The following KIF6 variants were observed in gnomAD, a reference collection of about 807,000 sequenced individuals.
KIF6 encodes kinesin-like protein KIF6.
KIF6 carries 106 observed loss-of-function variants against 112.7 expected under a neutral mutation model. That is an observed-to-expected ratio of 0.94 (90% CI 0.80 to 1.11). The LOEUF is 1.11. KIF6 is among the 50% of genes least tolerant of loss of function. The pLI, the probability that KIF6 is intolerant of heterozygous loss-of-function variation, is 0.00. For missense variants in KIF6, 929 were observed against 964.0 expected, an observed-to-expected ratio of 0.96 and a Z score of 0.48; for synonymous variants, 339 against 339.9, an observed-to-expected ratio of 1.00 and a Z score of 0.03.
chr6:39,337,176 T>TTTCC (rs1763023623), intron 22 of KIF6, among the ~76,000 whole-genome samples: 1 of 61,602 alleles, frequency 1.6e-5, no homozygotes, highest in Non-Finnish European at 2.8e-5. Context: ...TCCTTCCTTC[T>TTTCC]TTCTTTCTTT....
intron 3 of KIF6, among the ~76,000 whole-genome samples, chr6:39,658,725 AAG>A (rs1336149662): frequency 6.6e-6 from 1 of 152,224 alleles, no homozygotes; most frequent in African/African-American, 2.4e-5. Flanking sequence ...AGCTGAGGCC[AAG>A]CACATATATT....
intron 13 of KIF6, among the ~76,000 whole-genome samples, chr6:39,525,804 AATAG>A (rs1030935477): frequency 3.5e-5 from 5 of 143,230 alleles, no homozygotes; most frequent in African/African-American, 5.2e-5. Flanking sequence ...TAACTAACTA[AATAG>A]ATAAATAAAT....
intron 13 of KIF6, among the ~76,000 whole-genome samples, chr6:39,454,683 C>T (rs1772934808): frequency 6.6e-6 from 1 of 152,196 alleles, no homozygotes; most frequent in African/African-American, 2.4e-5. Context: ...CGAGCCGAAG[C>T]AGGGCGAGGC....
At chr6:39,583,508 C>T (rs1262402013) in intron 9 of KIF6, 1 of 471,270 alleles carries the variant, frequency 2.1e-6, no homozygotes, top group Admixed American at 2.3e-5. Flanking sequence ...AACAGACAGC[C>T]CCATTATTCC....
chr6:39,430,515 G>C (rs11969754), intron 14 of KIF6, among the ~76,000 whole-genome samples: 5 of 152,146 alleles, frequency 3.3e-5, no homozygotes, highest in Non-Finnish European at 5.9e-5. Flanking sequence ...ATACCTCTAA[G>C]TAAGCTTCTT....
chr6:39,720,063 C>T (rs929312513), intron 2 of KIF6, among the ~76,000 whole-genome samples: 2 of 151,972 alleles, frequency 1.3e-5, no homozygotes, highest in African/African-American at 4.8e-5. Context: ...TACTTTTAAC[C>T]AAAGTTAGAA....
chr6:39,489,920 A>G (rs767263367), intron 13 of KIF6, among the ~76,000 whole-genome samples: 4 of 152,294 alleles, frequency 2.6e-5, no homozygotes, highest in Admixed American at 1.3e-4. Context: ...GGCATATTTG[A>G]CCTGTGACAT....
intron 19 of KIF6, chr6:39,353,908 G>C (rs1764444385): frequency 5.2e-6 from 3 of 572,288 alleles, no homozygotes; most frequent in South Asian, 1.6e-5. Flanking sequence ...GTGGAGCTAA[G>C]TGTGATGCCC....
At chr6:39,502,184 C>A (rs1211190013) in intron 13 of KIF6, among the ~76,000 whole-genome samples, 1 of 152,130 alleles carries the variant, frequency 6.6e-6, no homozygotes, top group Non-Finnish European at 1.5e-5. Context: ...GGCCAATACT[C>A]AACATTCTTA....
intron 13 of KIF6, among the ~76,000 whole-genome samples, chr6:39,531,795 C>T (rs1454719736): frequency 6.6e-6 from 1 of 152,080 alleles, no homozygotes; most frequent in Non-Finnish European, 1.5e-5. Flanking sequence ...GATGCCCCTG[C>T]CTCTCTCTCA....
chr6:39,597,280 T>G (rs944334797), intron 6 of KIF6, among the ~76,000 whole-genome samples: 1 of 152,222 alleles, frequency 6.6e-6, no homozygotes, highest in Non-Finnish European at 1.5e-5. Flanking sequence ...TGTTTGCACT[T>G]CCTTACTAAA....
chr6:39,408,271 G>A lies in KIF6; in HGVS notation c.1810+11677C>T, dbSNP rs573138155. 3.9e-5 allele frequency among the ~76,000 whole-genome samples: 6 copies of A among 152,252 alleles called. No homozygotes were observed. The East Asian group carries it at 1.2e-3, about 29-fold the overall frequency. On this transcript the variant is annotated intron_variant, in intron 15 of 22. Transcript: ENST00000287152. The stretch of plus-strand genomic sequence containing the variant: ...AAATGAGTACTGTCACACACTGGAA[G>A]GAATATAAACTAATGAAGCTCTTTG...
intron 13 of KIF6, among the ~76,000 whole-genome samples, chr6:39,521,496 C>T (rs965798913): frequency 5.3e-5 from 8 of 152,046 alleles, no homozygotes; most frequent in African/African-American, 1.9e-4. Context: ...CAAGTCAGTG[C>T]CCCCATCCCT....
chr6:39,613,441 C>A, intron 5 of KIF6, 123 bp from the exon 6 acceptor site: 1 of 539,042 alleles, frequency 1.9e-6, no homozygotes. Flanking sequence ...GCAAATAACA[C>A]ACAAGATACC....
chr6:39,405,600 T>C (rs1352997228), intron 15 of KIF6, among the ~76,000 whole-genome samples: 1 of 152,222 alleles, frequency 6.6e-6, no homozygotes, highest in African/African-American at 2.4e-5. Context: ...TATATTGTTG[T>C]ATTCAATATG....
At chr6:39,487,968 A>G (rs2150469891) in intron 13 of KIF6, among the ~76,000 whole-genome samples, 1 of 109,524 alleles carries the variant, frequency 9.1e-6, no homozygotes, top group Admixed American at 9.2e-5. Flanking sequence ...GGCACCTCAA[A>G]CTATATACTT....
rs144478757 is a variant in KIF6, at chr6:39,696,449, G to A, written c.251+18243C>T. Among the ~76,000 whole-genome samples the A allele has an allele frequency of 4.6e-5, 7 of 152,216 alleles. No individual in the cohort carries two copies. The East Asian group carries it at 5.8e-4, about 13-fold the overall frequency. On this transcript the variant is annotated intron_variant, in intron 3 of 22. Coordinates refer to ENST00000287152, the MANE Select transcript of KIF6 (RefSeq NM_145027.6). ...GCTGATGTGATAAAGATGGTGCAACGGCAAGGGAGAAGGAGCTTGAGTCCC... is the reference window on the plus strand; with the variant it reads ...GCTGATGTGATAAAGATGGTGCAACAGCAAGGGAGAAGGAGCTTGAGTCCC...
rs1225890862 is a variant in KIF6, at chr6:39,604,660, C to G, written c.640-8400G>C. Among the ~76,000 whole-genome samples the G allele has an allele frequency of 1.7e-4, 26 of 152,094 alleles. 1 individual carries two copies. The highest frequency in any genetic ancestry group is 1.7e-3 in the Admixed American group (26 of 15,250). ...AGTAGTTTTGTAAAAGAGAAATAGA[C>G]TAGACACACCAATTTTATTTAAAAT... On this transcript the variant is annotated intron_variant, in intron 6 of 22. Transcript: ENST00000287152.
chr6:39,510,273 T>C (rs1776695039), intron 13 of KIF6, among the ~76,000 whole-genome samples: 1 of 151,876 alleles, frequency 6.6e-6, no homozygotes, highest in East Asian at 1.9e-4. Context: ...TTTGTATTTT[T>C]AGTAGAGATG....
Sources: gnomAD v4.1 joint callset for allele counts (sites outside exome capture counted in the v4.1 genomes callset) on GRCh38, gnomAD v4.1.1 for gene constraint, MANE v1.5 for transcripts, NCBI Gene and HGNC (gene_info 2026-07-23, HGNC 2026-07-21) for gene names.